ATF6: variants seen among roughly 807,000 people sequenced by gnomAD.
ATF6 encodes the protein cyclic AMP-dependent transcription factor ATF-6 alpha.
ATF6 carries 53 observed loss-of-function variants against 83.6 expected under a neutral mutation model. That is an observed-to-expected ratio of 0.63 (90% CI 0.51 to 0.80). ATF6 has a LOEUF of 0.80. Ranked by LOEUF, ATF6 falls within the 30% of genes least tolerant of loss-of-function variation. The probability of loss-of-function intolerance (pLI) is 0.00; values close to 1 mark genes in which losing one functional copy is unlikely to be tolerated. For synonymous variants in ATF6, 288 were observed against 285.8 expected (o/e 1.01, Z -0.08); for missense variants, 744 against 797.9 (o/e 0.93, Z 0.81).
intron 14 of ATF6, among the ~76,000 whole-genome samples, chr1:161,904,626 A>AACAC (rs141394108): frequency 2.0e-3 from 302 of 149,882 alleles, no homozygotes; most frequent in African/African-American, 6.6e-3. Flanking sequence ...AAAAAAACAA[A>AACAC]ACACACACAC....
intron 13 of ATF6, 52 bp downstream of exon 13, chr1:161,860,329 T>A: frequency 7.2e-7 from 1 of 1,381,790 alleles, no homozygotes; most frequent in Non-Finnish European, 9.7e-7. Flanking sequence ...GCTGGTATTT[T>A]AAGAAAGTTG....
At chr1:161,766,730 C>T (rs1684274251) in intron 1 of ATF6, among the ~76,000 whole-genome samples, 1 of 152,194 alleles carries the variant, frequency 6.6e-6, no homozygotes, top group East Asian at 1.9e-4. Flanking sequence ...CACTGGACGT[C>T]TTTAGGAGGT....
intron 1 of ATF6, among the ~76,000 whole-genome samples, chr1:161,769,940 C>A (rs1004547999): frequency 6.6e-6 from 1 of 152,128 alleles, no homozygotes; most frequent in African/African-American, 2.4e-5. Flanking sequence ...TGCTGTGTGG[C>A]CTGGTTCCCA....
At chr1:161,935,550 A>G (rs1448599853) in intron 15 of ATF6, among the ~76,000 whole-genome samples, 2 of 152,222 alleles carry the variant, frequency 1.3e-5, no homozygotes, top group Admixed American at 6.5e-5. Flanking sequence ...TCCTGTCTAT[A>G]CAGTTTGTCA....
intron 14 of ATF6, among the ~76,000 whole-genome samples, chr1:161,866,722 T>C (rs1053860200): frequency 7.2e-5 from 11 of 152,136 alleles, no homozygotes; most frequent in African/African-American, 2.7e-4. Context: ...AAGAAAAAAA[T>C]CCAATTAAGT....
At chr1:161,811,238 C>T (rs978246367) in intron 7 of ATF6, among the ~76,000 whole-genome samples, 1 of 152,138 alleles carries the variant, frequency 6.6e-6, no homozygotes, top group Non-Finnish European at 1.5e-5. Flanking sequence ...GCTGTGTATT[C>T]CTGAAGGGAT....
chr1:161,924,644 T>C (rs1346833742), intron 15 of ATF6, among the ~76,000 whole-genome samples: 1 of 152,210 alleles, frequency 6.6e-6, no homozygotes, highest in Non-Finnish European at 1.5e-5. Context: ...AAATGTAACC[T>C]GCACAATAGT....
At chr1:161,861,392 A>G (rs559124799) in intron 13 of ATF6, among the ~76,000 whole-genome samples, 1 of 152,212 alleles carries the variant, frequency 6.6e-6, no homozygotes, top group South Asian at 2.1e-4. Context: ...AATGAGCAGC[A>G]TATCAGCAAT....
chr1:161,832,742 A>G (rs1320951072), intron 9 of ATF6, among the ~76,000 whole-genome samples: 1 of 152,242 alleles, frequency 6.6e-6, no homozygotes, highest in African/African-American at 2.4e-5. Context: ...TTGAGCAGGT[A>G]AACAAAGCAG....
chr1:161,786,893 G>A (rs997255580), intron 4 of ATF6, among the ~76,000 whole-genome samples: 1 of 152,170 alleles, frequency 6.6e-6, no homozygotes, highest in Non-Finnish European at 1.5e-5. Flanking sequence ...ATTGCATGTG[G>A]TTATCTTGTC....
intron 9 of ATF6, among the ~76,000 whole-genome samples, chr1:161,838,374 G>A (rs1247783950): frequency 6.6e-6 from 1 of 152,096 alleles, no homozygotes; most frequent in Non-Finnish European, 1.5e-5. Context: ...AAACCTAAAC[G>A]CTTAAGACAA....
intron 7 of ATF6, among the ~76,000 whole-genome samples, chr1:161,811,906 CT>C (rs1399670138): frequency 1.7e-4 from 26 of 152,132 alleles, no homozygotes; most frequent in Non-Finnish European, 5.9e-5. Context: ...CTTTTATTAA[CT>C]TCAATAATTT....
intron 15 of ATF6, among the ~76,000 whole-genome samples, chr1:161,950,874 T>C (rs771601837): frequency 1.3e-5 from 2 of 152,240 alleles, no homozygotes; most frequent in Non-Finnish European, 2.9e-5. Flanking sequence ...CATTTTCTTT[T>C]TAATGGTGTT....
chr1:161,860,830 A>G (rs543119392), intron 13 of ATF6, among the ~76,000 whole-genome samples: 1 of 152,286 alleles, frequency 6.6e-6, no homozygotes, highest in South Asian at 2.1e-4. Context: ...TTCACTACAC[A>G]ATAATACTTA....
chr1:161,799,046 A>G (rs1274953893), intron 6 of ATF6, among the ~76,000 whole-genome samples: 1 of 152,238 alleles, frequency 6.6e-6, no homozygotes, highest in Non-Finnish European at 1.5e-5. Flanking sequence ...AGATTTCTCA[A>G]ATAACTTAAA....
intron 14 of ATF6, among the ~76,000 whole-genome samples, chr1:161,911,566 T>C (rs1294631870): frequency 6.6e-6 from 1 of 152,244 alleles, no homozygotes; most frequent in African/African-American, 2.4e-5. Flanking sequence ...TTTATAATTC[T>C]TTAACTCTTC....
At chr1:161,897,892 T>C (rs931192608) in intron 14 of ATF6, among the ~76,000 whole-genome samples, 1 of 152,228 alleles carries the variant, frequency 6.6e-6, no homozygotes, top group Admixed American at 6.5e-5. Context: ...ATTTTAAGGT[T>C]ATATATGTGG....
At chr1:161,909,783 C>T (rs1000341730) in intron 14 of ATF6, among the ~76,000 whole-genome samples, 2 of 151,980 alleles carry the variant, frequency 1.3e-5, no homozygotes, top group African/African-American at 2.4e-5. Context: ...GGTGAAACCC[C>T]GTCTCTACTA....
At chr1:161,894,785 C>T (rs1390774513) in intron 14 of ATF6, among the ~76,000 whole-genome samples, 1 of 147,162 alleles carries the variant, frequency 6.8e-6, no homozygotes, top group African/African-American at 2.5e-5. Flanking sequence ...CTCTTGACCT[C>T]GTGAGCCACC....
Sources: gnomAD v4.1 joint callset for allele counts (sites outside exome capture counted in the v4.1 genomes callset) on GRCh38, gnomAD v4.1.1 for gene constraint, MANE v1.5 for transcripts, NCBI Gene and HGNC (gene_info 2026-07-23, HGNC 2026-07-21) for gene names.